The following MCF2L variants were observed in gnomAD, a reference collection of about 807,000 sequenced individuals.
MCF2L encodes MCF.2 cell line derived transforming sequence like, also known as guanine nucleotide exchange factor DBS.
Under a neutral mutation model 153.4 loss-of-function variants are expected in MCF2L, and 97 were observed. That is an observed-to-expected ratio of 0.63 (90% CI 0.54 to 0.75). The LOEUF is 0.75. Ranked by LOEUF, MCF2L falls within the 30% of genes least tolerant of loss-of-function variation. The pLI, the probability that MCF2L is intolerant of heterozygous loss-of-function variation, is 0.00. For synonymous variants in MCF2L, 659 were observed against 632.2 expected, an observed-to-expected ratio of 1.04 and a Z score of -0.64; for missense variants, 1,347 against 1,495.2, an observed-to-expected ratio of 0.90 and a Z score of 1.64.
Position 113,094,994 on chromosome 13 carries a change from C to T in MCF2L, c.3075+359C>T, listed in dbSNP as rs767366576. On this transcript the variant is annotated intron_variant, in intron 27 of 29. Transcript: ENST00000535094. ...GTGCCCACCCAGCCTCCTGTAGAGC[C>T]CACTCGTGGGTGCACCTTCCTCAGA... 8.7e-6 allele frequency: 12 copies of T among 1,378,114 alleles called. No homozygotes were observed. The South Asian group carries it at 1.2e-4, about 14-fold the overall frequency. 85.4% of individuals were successfully genotyped at this position (1,378,114 alleles called of 1,614,324 possible).
At chr13:113,034,478 AT>A (rs1257871845) in intron 3 of MCF2L, among the ~76,000 whole-genome samples, 1 of 152,136 alleles carries the variant, frequency 6.6e-6, no homozygotes, top group Non-Finnish European at 1.5e-5. Flanking sequence ...ATGGCTGCTT[AT>A]TGGGCTGCAC....
chr13:113,041,594 C>T (rs1326493068), intron 3 of MCF2L, among the ~76,000 whole-genome samples: 1 of 152,152 alleles, frequency 6.6e-6, no homozygotes, highest in African/African-American at 2.4e-5. Context: ...GCCCCCATGA[C>T]CACAGTCAGT....
At position 113,074,208 on chromosome 13, in the gene MCF2L, G is replaced by T. The variant is rs1313190234; in HGVS notation, c.997-236G>T. ...ACACACAAGCCACAGAGAAACAATT[G>T]TTCTGCCAGTGAGGTCACTGGTGGG... On this transcript the variant is annotated intron_variant, in intron 9 of 29. Coordinates refer to ENST00000535094, the MANE Select transcript of MCF2L (RefSeq NM_001112732.3). The surrounding 1 kb of genome is among the most constrained non-coding windows in gnomAD (Gnocchi z 4.2). 1.3e-5 allele frequency among the ~76,000 whole-genome samples: 2 copies of T among 152,176 alleles called. No homozygotes were observed. Among genetic ancestry groups the T allele is most frequent in the African/African-American group, 4.8e-5 (2 of 41,450 alleles).
chr13:112,968,646 CACACGGAAGGGGCGCG>C (rs1441863180), upstream of MCF2L: 1 of 1,524,762 alleles, frequency 6.6e-7, no homozygotes, highest in Non-Finnish European at 8.8e-7. Flanking sequence ...GGCATGCGGC[CACACGGAAGGGGCGCG>C]CTGGGCTGCT....
At chr13:113,018,795 G>A (rs183570980) in intron 2 of MCF2L, among the ~76,000 whole-genome samples, 40 of 152,342 alleles carry the variant, frequency 2.6e-4, no homozygotes, top group Non-Finnish European at 4.6e-4. Context: ...TGCCCGGAAC[G>A]CAGAGGCCAC....
rs1474837371 is a variant in MCF2L at position 112,904,602 on chromosome 13, A to G, written c.169+2231A>G. Reference sequence around the variant, plus strand: ...CTGGAGGCCCAGGGCTGGCTTTACCAAGAAAGCCCTTTAGGCAGCTTCCCT... The same window carrying G: ...CTGGAGGCCCAGGGCTGGCTTTACCGAGAAAGCCCTTTAGGCAGCTTCCCT... On this transcript the variant is annotated intron_variant, in intron 2 of 29. Coordinates refer to the MCF2L transcript ENST00000375608. The surrounding 1 kb of genome is among the most constrained non-coding windows in gnomAD (Gnocchi z 4.2). 6.6e-6 allele frequency among the ~76,000 whole-genome samples: 1 copy of G among 152,254 alleles called. No individual in the cohort carries two copies. Among genetic ancestry groups the G allele is most frequent in the African/African-American group, 2.4e-5 (1 of 41,470 alleles).
intron 3 of MCF2L, among the ~76,000 whole-genome samples, chr13:113,033,217 A>C (rs80023641): frequency 1.5e-4 from 2 of 13,486 alleles, no homozygotes. Context: ...CCCCCGTGAC[A>C]TGAGTGGCCC....
intron 9 of MCF2L, among the ~76,000 whole-genome samples, chr13:113,072,394 G>A (rs145592804): frequency 6.6e-6 from 1 of 152,294 alleles, no homozygotes; most frequent in African/African-American, 2.4e-5. Flanking sequence ...TATGATAAGA[G>A]TGGCGAGACT....
intron 7 of MCF2L, 64 bp downstream of exon 7, chr13:113,065,149 G>T: frequency 1.9e-6 from 3 of 1,587,692 alleles, no homozygotes; most frequent in South Asian, 1.1e-5. Flanking sequence ...GCTGCGCGGG[G>T]CTCCGGTCGG....
chr13:112,898,375 G>A (rs913925607), intron 1 of MCF2L, among the ~76,000 whole-genome samples: 4 of 152,258 alleles, frequency 2.6e-5, no homozygotes, highest in African/African-American at 9.6e-5. Context: ...TGTTTTGTTC[G>A]CTTGGAACCT....
intron 1 of MCF2L, among the ~76,000 whole-genome samples, chr13:112,898,143 A>G (rs1470010601): frequency 6.6e-6 from 1 of 152,220 alleles, no homozygotes; most frequent in Non-Finnish European, 1.5e-5. Flanking sequence ...CGTGAGTGGA[A>G]GCCGTGTGGC....
intron 1 of MCF2L, among the ~76,000 whole-genome samples, chr13:112,999,922 G>T (rs553313619): frequency 4.1e-4 from 62 of 151,790 alleles, no homozygotes; most frequent in African/African-American, 1.5e-3. Flanking sequence ...TGCGGGCGGC[G>T]AGTGGGCTGG....
Position 113,096,550 on chromosome 13 carries a change from G to C in MCF2L, c.3189G>C (p.Trp1063Cys). The change falls in exon 29 of 30, where the codon TGG becomes TGC. Residue 1063 changes from tryptophan (W) to cysteine (C), a missense_variant and splice_region_variant. Transcript: ENST00000535094. ...ELVQEGDEGL[W>C]YVRDPTTGKE... ...TGCCGCTGACCCTCGCCCCTTGCAGGTACGTCAGGGACCCGACCACTGGCA... is the reference window on the plus strand; with the variant it reads ...TGCCGCTGACCCTCGCCCCTTGCAGCTACGTCAGGGACCCGACCACTGGCA... The C allele has an allele frequency of 6.2e-7, 1 of 1,603,356 alleles. No individual in the cohort carries two copies. The highest frequency in any genetic ancestry group is 8.5e-7 in the Non-Finnish European group (1 of 1,177,062).
intron 2 of MCF2L, chr13:112,956,528 C>T (rs7998446): frequency 0.68 from 102,734 of 152,176 alleles, 35,559 homozygotes; most frequent in Non-Finnish European, 0.77. Flanking sequence ...TAAAATCGAG[C>T]AATGCTGGAA....
At chr13:113,059,229 C>T (rs1003104968) in intron 4 of MCF2L, among the ~76,000 whole-genome samples, 1 of 152,228 alleles carries the variant, frequency 6.6e-6, no homozygotes, top group African/African-American at 2.4e-5. Context: ...CTGCAGCCAG[C>T]GTGGCTGGAG....
intron 3 of MCF2L, among the ~76,000 whole-genome samples, chr13:113,030,820 T>G (rs9670025): frequency 9.2e-5 from 14 of 151,948 alleles, no homozygotes; most frequent in African/African-American, 3.4e-4. Context: ...ATGGCCCCCT[T>G]AGAACCACAT....
chr13:113,030,441 C>T (rs1333608334), intron 3 of MCF2L, among the ~76,000 whole-genome samples: 3 of 147,752 alleles, frequency 2.0e-5, no homozygotes, highest in Non-Finnish European at 3.0e-5. Context: ...CCGGTGTGGA[C>T]TCTCAGGTGT....
In MCF2L at chr13:113,096,917, G is replaced by A. The variant is rs1015982021; in HGVS notation, c.*58G>A. The A allele has an allele frequency of 3.3e-5, 40 of 1,216,170 alleles. No homozygotes were observed. The highest frequency in any genetic ancestry group is 4.2e-5 in the Non-Finnish European group (40 of 950,510). The allele number at this position is 1,216,170 out of a possible 1,614,324, so 75.3% of individuals were successfully genotyped here. A position where few individuals can be genotyped will look rare whatever the true frequency, so the allele number is the denominator to read the frequency against. ...CTGGGGCTGCGGTGGCGTGGGGAGG[G>A]CGCGGCCCCCGGACGCCCCGAGGAA... On this transcript the variant is annotated 3_prime_UTR_variant, in exon 30 of 30. Transcript: ENST00000535094.
rs12429945 is a variant in MCF2L, at chr13:113,094,558, G to A, written c.2998G>A (p.Gly1000Arg). Residue 1000 changes from glycine to arginine, a missense_variant, in exon 27 of 30, where the codon GGG (glycine) becomes AGG (arginine). Around this residue, in one of 3 missense-constraint regions of MCF2L, gnomAD observed 383 missense variants for 335.4 expected, o/e 1.14. Coordinates refer to ENST00000535094, the MANE Select transcript of MCF2L (RefSeq NM_001112732.3). ...CTCACTGGAGGCACCTGAGGACGAC[G>A]GGGGCTGGTCAAGTGCAGAGGAGCA... ...SHSLEAPEDDGGWSSAEEQIN... is the reference protein window; with the variant it reads ...SHSLEAPEDDRGWSSAEEQIN... The A allele has an allele frequency of 0.014, 22,298 of 1,612,232 alleles. 1,509 individuals carry two copies. The Admixed American group carries it at 0.18, about 13-fold the overall frequency.
Sources: allele counts gnomAD v4.1 joint callset (sites outside exome capture counted in the v4.1 genomes callset), GRCh38; gene constraint gnomAD v4.1.1; regional missense constraint gnomAD v4.1.1; non-coding constraint Gnocchi (gnomAD v3.1); transcripts MANE v1.5; gene names NCBI Gene and HGNC (gene_info 2026-07-23, HGNC 2026-07-21).